KIF20B: variants seen among roughly 807,000 people sequenced by gnomAD.
KIF20B encodes kinesin-like protein KIF20B.
A neutral mutation model predicts 232.5 loss-of-function variants in KIF20B; 188 were observed. The observed-to-expected ratio is 0.81, with a 90% CI of 0.72 to 0.91. KIF20B has a LOEUF of 0.91. Ranked by LOEUF, KIF20B falls within the 40% of genes least tolerant of loss-of-function variation. The pLI, the probability that KIF20B is intolerant of heterozygous loss-of-function variation, is 0.00. For synonymous variants in KIF20B, 712 were observed against 683.0 expected, an observed-to-expected ratio of 1.04 and a Z score of -0.66; for missense variants, 2,154 against 2,055.9, an observed-to-expected ratio of 1.05 and a Z score of -0.92.
At chr10:89,728,927 GTGTGTGTGTGTGTGTGTGTGTA>G (rs1327013505) in intron 17 of KIF20B, among the ~76,000 whole-genome samples, 179 bp from the exon 18 acceptor site, 31 of 138,906 alleles carry the variant, frequency 2.2e-4, no homozygotes, top group Non-Finnish European at 2.9e-4. Flanking sequence ...GTGTGTGTGT[GTGTGTGTGTGTGTGTGTGTGTA>G]TGTAATTTTT....
rs185491589 is a variant in KIF20B, at chr10:89,725,327, T to C, written c.2001+169T>C. Among the ~76,000 whole-genome samples, 10 of 152,126 alleles carry C rather than the reference T, an allele frequency of 6.6e-5. 1 individual carries two copies. The highest frequency in any genetic ancestry group is 2.4e-4 in the African/African-American group (10 of 41,522). On this transcript the variant is annotated intron_variant, in intron 15 of 32. Coordinates refer to ENST00000371728, the MANE Select transcript of KIF20B (RefSeq NM_001284259.2). The stretch of plus-strand genomic sequence containing the variant: ...TTTTAGAAGTGTAAGGCACCAAGAA[T>C]TTAAATATAATGATTGGTTTTGAAA...
chr10:89,718,822 G>T lies in KIF20B; in HGVS notation c.1384G>T (p.Ala462Ser). 6.2e-7 allele frequency: 1 copy of T among 1,608,074 alleles called. No individual in the cohort carries two copies. Among genetic ancestry groups the T allele is most frequent in the Non-Finnish European group, 8.5e-7 (1 of 1,176,924 alleles). ...TGTCAATATCAGCCAATGTTATTTA[G>T]CCTATGATGAAACACTCAATGTATT... ...MIVNISQCYL[A>S]YDETLNVLKF... The change falls in exon 12 of 33, where the codon GCC becomes TCC. Residue 462 changes from alanine to serine, a missense_variant. Coordinates refer to ENST00000371728, the MANE Select transcript of KIF20B (RefSeq NM_001284259.2).
Position 89,717,668 on chromosome 10 carries a change from C to G in KIF20B, c.1217C>G (p.Ser406Cys), listed in dbSNP as rs1465903356. 1 of 1,609,364 alleles carries G rather than the reference C, an allele frequency of 6.2e-7. No homozygotes were observed. The change falls in exon 11 of 33, where the codon TCT (serine) becomes TGT (cysteine). Residue 406 changes from serine to cysteine, a missense_variant. By Grantham distance (112) the Ser-to-Cys change is moderately radical (BLOSUM62 -1). Coordinates refer to ENST00000371728, the MANE Select transcript of KIF20B (RefSeq NM_001284259.2). The part of the protein sequence containing the change: ...RLRETGNINT[S>C]LLTLGKCINV... ...AGAGAGACTGGGAATATCAACACTTCTTTATTGACTCTGGGAAAGTGTATT... is the reference window on the plus strand; with the variant it reads ...AGAGAGACTGGGAATATCAACACTTGTTTATTGACTCTGGGAAAGTGTATT...
At chr10:89,710,570 A>G (rs1159064835) in intron 5 of KIF20B, among the ~76,000 whole-genome samples, 1 of 151,422 alleles carries the variant, frequency 6.6e-6, no homozygotes, top group African/African-American at 2.4e-5. Context: ...ATTCATTTGT[A>G]AAAATACTTT....
Position 89,738,968 on chromosome 10 carries a change from G to A in KIF20B, c.3787G>A (p.Glu1263Lys). The A allele has an allele frequency of 6.2e-7, 1 of 1,611,120 alleles. No individual in the cohort carries two copies. Among genetic ancestry groups the A allele is most frequent in the Non-Finnish European group, 8.5e-7 (1 of 1,179,136 alleles). ...GTTTATGTTTTTTAGATTGAAAGAG[G>A]AACTCTCTGCAAGCTCTGCTCGTAC... ...NRQETEKLKE[E>K]LSASSARTQN... The change falls in exon 21 of 33, where the codon GAA (glutamate) becomes AAA (lysine). Residue 1263 changes from glutamate to lysine, a missense_variant. Glu to Lys is a moderately conservative substitution (Grantham distance 56). Transcript: ENST00000371728.
intron 26 of KIF20B, among the ~76,000 whole-genome samples, chr10:89,757,951 C>T (rs577628729): frequency 6.6e-5 from 10 of 151,566 alleles, no homozygotes; most frequent in Admixed American, 1.3e-4. Context: ...ATTTGTAGAT[C>T]GTCTCTTCTG....
chr10:89,704,050 C>T (rs1296351310), intron 1 of KIF20B, among the ~76,000 whole-genome samples: 1 of 152,158 alleles, frequency 6.6e-6, no homozygotes, highest in African/African-American at 2.4e-5. Context: ...TGCGCCCGGC[C>T]GTAGGCTTTT....
rs778521871 is a variant in KIF20B, at chr10:89,709,178, C to T, written c.159C>T (p.Phe53=). ...LVAPNTEANS[F]ESKDYLQVCL... Reference sequence around the variant, plus strand: ...CTTTATTTTTTAAGGCAAACAGTTTCGAATCTAAAGATTATCTCCAGGTTT... The same window carrying T: ...CTTTATTTTTTAAGGCAAACAGTTTTGAATCTAAAGATTATCTCCAGGTTT... Residue 53 remains phenylalanine (F), a synonymous_variant, in exon 3 of 33, where the codon TTC becomes TTT. Transcript: ENST00000371728. 1.4e-5 allele frequency: 23 copies of T among 1,604,414 alleles called. No individual in the cohort carries two copies. The highest frequency in any genetic ancestry group is 1.7e-4 in the Middle Eastern group (1 of 5,742).
Position 89,738,572 on chromosome 10 carries a change from A to G in KIF20B, c.3731A>G (p.Gln1244Arg), listed in dbSNP as rs373556748. Reference sequence around the variant, plus strand: ...TTGCAAGATATGAAACATTTACTTCAATTAAAAGAAGAAGAAGAAGAAACC... The same window carrying G: ...TTGCAAGATATGAAACATTTACTTCGATTAAAAGAAGAAGAAGAAGAAACC... ...NNLQDMKHLL[Q>R]LKEEEEETNR... is the part of the protein sequence containing the mutation. Residue 1244 changes from glutamine (Q) to arginine (R), a missense_variant, in exon 20 of 33, where the codon CAA becomes CGA. By Grantham distance (43) the Gln-to-Arg change is conservative (BLOSUM62 1). Transcript: ENST00000371728. 1 of 1,565,552 alleles carries G rather than the reference A, an allele frequency of 6.4e-7. No individual in the cohort carries two copies. The highest frequency in any genetic ancestry group is 2.1e-5 in the Admixed American group (1 of 48,170).
chr10:89,709,925 A>G lies in KIF20B; in HGVS notation c.352-2A>G. On this transcript the variant is annotated splice_acceptor_variant, in intron 4 of 32. Transcript: ENST00000371728. LOFTEE classifies it high-confidence loss of function. Reference sequence around the variant, plus strand: ...AAGAGTTTTTAAAAAATGTTTGCTTAGGTTTTTGGCCCAGCAACTACACAG... The same window carrying G: ...AAGAGTTTTTAAAAAATGTTTGCTTGGGTTTTTGGCCCAGCAACTACACAG... 1 of 1,566,660 alleles carries G rather than the reference A, an allele frequency of 6.4e-7. No individual in the cohort carries two copies. The highest frequency in any genetic ancestry group is 2.3e-5 in the East Asian group (1 of 44,256).
In KIF20B at chr10:89,727,256, C is replaced by G. The variant is rs1338782554; in HGVS notation, c.2231-600C>G. Among the ~76,000 whole-genome samples the G allele has an allele frequency of 2.0e-5, 3 of 151,000 alleles. 1 individual carries two copies. The East Asian group carries it at 5.9e-4, about 30-fold the overall frequency. On this transcript the variant is annotated intron_variant, in intron 16 of 32. Transcript: ENST00000371728. ...GGCATTTTCTTTTTCTGTCTTCCCC[C>G]CCCCTTTTTTTTTTAAAGACAGGGT...
Position 89,732,926 on chromosome 10 carries a change from A to G in KIF20B, c.2415A>G (p.Leu805=), listed in dbSNP as rs540438728. 1.2e-6 allele frequency: 2 copies of G among 1,601,564 alleles called. No homozygotes were observed. Among genetic ancestry groups the G allele is most frequent in the East Asian group, 4.5e-5 (2 of 44,630 alleles). Residue 805 remains leucine, a synonymous_variant, in exon 19 of 33, where the codon TTA becomes TTG. Transcript: ENST00000371728. ...AGGACAAGGCTGATACATCTTCTTT[A>G]ATAATAAACAATAAATTGATTTGTA... ...KCNDKADTSS[L]IINNKLICNE...
rs778040916 is a variant in KIF20B, at chr10:89,725,019, G to A, written c.1863-1G>A. ...TAATGGGATTAATTTGTATTTTGAA[G>A]GGAGACTCTGCTTCAAGAACGAGAG... On this transcript the variant is annotated splice_acceptor_variant, in intron 14 of 32. Coordinates refer to ENST00000371728, the MANE Select transcript of KIF20B (RefSeq NM_001284259.2). LOFTEE classifies it high-confidence loss of function. 6.2e-7 allele frequency: 1 copy of A among 1,612,086 alleles called. No homozygotes were observed. The highest frequency in any genetic ancestry group is 8.5e-7 in the Non-Finnish European group (1 of 1,179,020).
chr10:89,709,361 T>C lies in KIF20B; in HGVS notation c.251T>C (p.Leu84Pro). ...GTTTTCTAGGGCTGTGTGCATATTC[T>C]GGATTCACAGACTGTTGTGCTGAAA... ...ELESEGCVHI[L>P]DSQTVVLKEP... The change falls in exon 4 of 33, where the codon CTG (leucine) becomes CCG (proline). Residue 84 changes from leucine to proline, a missense_variant. Leu to Pro is a moderately conservative substitution (Grantham distance 98, BLOSUM62 -3). Coordinates refer to ENST00000371728, the MANE Select transcript of KIF20B (RefSeq NM_001284259.2). 6.2e-7 allele frequency: 1 copy of C among 1,613,186 alleles called. No homozygotes were observed.
intron 18 of KIF20B, among the ~76,000 whole-genome samples, chr10:89,732,555 C>G (rs1469093394): frequency 2.6e-5 from 4 of 151,882 alleles, no homozygotes; most frequent in Admixed American, 2.0e-4. Flanking sequence ...AAGCTAAGGG[C>G]AAAACTATTT....
chr10:89,705,108 C>T (rs983298852), intron 1 of KIF20B, among the ~76,000 whole-genome samples, 186 bp from the exon 2 acceptor site: 13 of 152,276 alleles, frequency 8.5e-5, no homozygotes, highest in African/African-American at 3.1e-4. Context: ...GAATCAGAGT[C>T]TGTAAATATA....
chr10:89,768,966 C>G (rs762861720), intron 31 of KIF20B, 78 bp downstream of exon 31: 2 of 1,171,828 alleles, frequency 1.7e-6, no homozygotes, highest in Non-Finnish European at 2.4e-6. Context: ...TATATAAACT[C>G]AACAGCTGTT....
At chr10:89,731,106 A>T (rs1316639211) in intron 18 of KIF20B, among the ~76,000 whole-genome samples, 1 of 152,196 alleles carries the variant, frequency 6.6e-6, no homozygotes, top group Non-Finnish European at 1.5e-5. Context: ...TAGTCATCAC[A>T]TGCTTTTTGC....
chr10:89,718,326 C>T (rs1842978056), intron 11 of KIF20B, among the ~76,000 whole-genome samples: 1 of 151,870 alleles, frequency 6.6e-6, no homozygotes, highest in South Asian at 2.1e-4. Flanking sequence ...GAGTTCAAGA[C>T]CAGCCTCATC....
Sources: allele counts gnomAD v4.1 joint callset (sites outside exome capture counted in the v4.1 genomes callset), GRCh38; gene constraint gnomAD v4.1.1; transcripts MANE v1.5; gene names NCBI Gene and HGNC (gene_info 2026-07-23, HGNC 2026-07-21).